CFAP91: variants seen among roughly 807,000 people sequenced by gnomAD.
CFAP91 encodes the protein cilia- and flagella-associated protein 91.
In CFAP91, 85 loss-of-function variants were observed where a neutral mutation model predicts 95.9. The observed-to-expected ratio is 0.89, with a 90% confidence interval of 0.74 to 1.06. CFAP91 has a LOEUF of 1.06. CFAP91 is among the 50% of genes least tolerant of loss of function. CFAP91 has a pLI of 0.00. For missense variants in CFAP91, 962 were observed against 943.4 expected (o/e 1.02, Z -0.26); for synonymous variants, 335 against 327.5 (o/e 1.02, Z -0.25).
At chr3:119,712,745 A>C (rs143202656) in intron 5 of CFAP91, among the ~76,000 whole-genome samples, 1 of 152,026 alleles carries the variant, frequency 6.6e-6, no homozygotes, top group Non-Finnish European at 1.5e-5. Context: ...ACTTGAGGTC[A>C]GGAGTCTGAG....
chr3:119,755,038 G>T (rs1025720245), intron 17 of CFAP91, among the ~76,000 whole-genome samples: 1 of 152,086 alleles, frequency 6.6e-6, no homozygotes, highest in Non-Finnish European at 1.5e-5. Flanking sequence ...TGTCTCCTAT[G>T]CCTCTCCCAC....
chr3:119,758,438 C>G (rs1261307892), intron 17 of CFAP91, among the ~76,000 whole-genome samples: 2 of 152,154 alleles, frequency 1.3e-5, no homozygotes, highest in African/African-American at 4.8e-5. Context: ...GATCTCCATT[C>G]CTACATATAT....
At chr3:119,730,177 T>G in intron 7 of CFAP91, 43 bp from the exon 8 acceptor site, 1 of 1,589,282 alleles carries the variant, frequency 6.3e-7, no homozygotes, top group African/African-American at 1.4e-5. Flanking sequence ...GCCCTCTGTT[T>G]GAGATGCCAT....
chr3:119,762,926 T>C (rs2054563562), intron 17 of CFAP91, among the ~76,000 whole-genome samples: 1 of 151,888 alleles, frequency 6.6e-6, no homozygotes, highest in Non-Finnish European at 1.5e-5. Flanking sequence ...ATCTTTTGGA[T>C]ATGACTCAAA....
chr3:119,717,747 C>G lies in CFAP91; in HGVS notation c.682+2004C>G, dbSNP rs186605554. On this transcript the variant is annotated intron_variant, in intron 6 of 17. Transcript: ENST00000273390. ...CCTGTCATGCATGCCCGTGATTACC[C>G]CAGCTCTTCTTCTCAATGTTCACAC... Among the ~76,000 whole-genome samples the G allele has an allele frequency of 4.9e-3, 750 of 152,188 alleles. 6 individuals carry two copies. Among genetic ancestry groups the G allele is most frequent in the African/African-American group, 0.017 (707 of 41,512 alleles).
intron 1 of CFAP91, among the ~76,000 whole-genome samples, chr3:119,703,715 C>A (rs191094975): frequency 6.6e-6 from 1 of 151,970 alleles, no homozygotes; most frequent in Non-Finnish European, 1.5e-5. Context: ...AGACTGGGTC[C>A]GCTGGCTCCT....
chr3:119,751,141 G>C, intron 17 of CFAP91, 43 bp downstream of exon 17: 3 of 1,557,778 alleles, frequency 1.9e-6, no homozygotes, highest in Non-Finnish European at 8.7e-7. Flanking sequence ...GAGAAAGGAA[G>C]AAAAGCGGCA....
At chr3:119,707,936 G>A (rs2053401950) in intron 3 of CFAP91, among the ~76,000 whole-genome samples, 1 of 151,942 alleles carries the variant, frequency 6.6e-6, no homozygotes, top group South Asian at 2.1e-4. Flanking sequence ...TTACTTACAA[G>A]TTCACATTTA....
At chr3:119,710,068 G>A (rs1024279200) in intron 5 of CFAP91, 173 bp downstream of exon 5, 2 of 586,292 alleles carry the variant, frequency 3.4e-6, no homozygotes, top group Admixed American at 3.3e-5. Flanking sequence ...ACATGAAACA[G>A]AATAGAAAAT....
chr3:119,732,280 A>T lies in CFAP91; in HGVS notation c.1019-14A>T. 1 of 1,581,150 alleles carries T rather than the reference A, an allele frequency of 6.3e-7. No homozygotes were observed. Among genetic ancestry groups the T allele is most frequent in the Non-Finnish European group, 8.6e-7 (1 of 1,157,778 alleles). ...ATATTTTAGAGATAGTCATGGAGGT[A>T]TGTTTTATTTCAGCAATCAGAAAAC... On this transcript the variant is annotated splice_polypyrimidine_tract_variant and intron_variant, in intron 8 of 17. Transcript: ENST00000273390.
chr3:119,735,033 G>T (rs1412425696), intron 10 of CFAP91, among the ~76,000 whole-genome samples: 1 of 151,044 alleles, frequency 6.6e-6, no homozygotes. Context: ...CATTTTTTTG[G>T]CATATGATTG....
At chr3:119,727,719 A>G (rs1289029610) in intron 7 of CFAP91, among the ~76,000 whole-genome samples, 2 of 152,166 alleles carry the variant, frequency 1.3e-5, no homozygotes, top group Non-Finnish European at 2.9e-5. Context: ...GTTCTGTACA[A>G]AAAGTGCTTG....
chr3:119,736,723 T>C (rs2054016445), intron 10 of CFAP91, among the ~76,000 whole-genome samples: 1 of 152,240 alleles, frequency 6.6e-6, no homozygotes, highest in African/African-American at 2.4e-5. Flanking sequence ...CAGTACTTCA[T>C]TCTTTTTTTA....
intron 13 of CFAP91, 99 bp from the exon 14 acceptor site, chr3:119,743,876 G>T: frequency 1.9e-6 from 2 of 1,068,418 alleles, no homozygotes; most frequent in Non-Finnish European, 2.6e-6. Flanking sequence ...TTCTGAAAGT[G>T]AATTGACTGC....
At chr3:119,713,070 A>T (rs965059661) in intron 5 of CFAP91, 2 of 151,782 alleles carry the variant, frequency 1.3e-5, no homozygotes, top group East Asian at 1.9e-4. Context: ...TTTTTAAAAA[A>T]TTTTTATTTT....
chr3:119,706,991 G>T, intron 2 of CFAP91, 106 bp downstream of exon 2: 1 of 876,414 alleles, frequency 1.1e-6, no homozygotes, highest in South Asian at 1.5e-5. Context: ...CTGGATTTTA[G>T]GTTCCACAGA....
At chr3:119,726,035 T>G (rs1577215456) in intron 6 of CFAP91, 136 bp from the exon 7 acceptor site, 4 of 625,154 alleles carry the variant, frequency 6.4e-6, no homozygotes. Context: ...CTAGAGGCTG[T>G]TCCCTAATGT....
At chr3:119,707,152 C>A in intron 2 of CFAP91, 1 of 541,462 alleles carries the variant, frequency 1.8e-6, no homozygotes, top group Non-Finnish European at 3.3e-6. Context: ...TAAAAGAATT[C>A]AAGTAGTATA....
intron 14 of CFAP91, among the ~76,000 whole-genome samples, chr3:119,745,235 C>T (rs1226039313): frequency 1.3e-5 from 2 of 152,160 alleles, no homozygotes; most frequent in African/African-American, 4.8e-5. Flanking sequence ...ATTTTCCATC[C>T]TACTTCCCCA....
Sources: gnomAD v4.1 joint callset for allele counts (sites outside exome capture counted in the v4.1 genomes callset) on GRCh38, gnomAD v4.1.1 for gene constraint, MANE v1.5 for transcripts, NCBI Gene and HGNC (gene_info 2026-07-23, HGNC 2026-07-21) for gene names.